The following COXFA4 variants were observed in gnomAD, a reference collection of about 807,000 sequenced individuals.
COXFA4 encodes cytochrome c oxidase subunit FA4.
At chr7:10,934,350 A>G in the COXFA4 span, among the ~76,000 whole-genome samples, 1 of 150,848 alleles carries the variant, frequency 6.6e-6, no homozygotes, top group East Asian at 2.0e-4. Flanking sequence ...ATTAATTTTT[A>G]GAAATAAATC....
At chr7:10,939,187 T>C in the COXFA4 span, 4 of 329,576 alleles carry the variant, frequency 1.2e-5, no homozygotes, top group Non-Finnish European at 1.2e-5. Context: ...AGAAAATGTA[T>C]CGAGTCTTCT....
chr7:10,934,333 AATTAAT>A, the COXFA4 span, among the ~76,000 whole-genome samples: 1 of 151,568 alleles, frequency 6.6e-6, no homozygotes, highest in African/African-American at 2.4e-5. Flanking sequence ...CTTTATAATC[AATTAAT>A]ATTAATTTTT....
At chr7:10,939,929 A>C in the COXFA4 span, 7 of 1,471,750 alleles carry the variant, frequency 4.8e-6, no homozygotes, top group Admixed American at 1.2e-4. Context: ...GTGGCTGTAA[A>C]TGAGGACGTT....
chr7:10,938,096 T>C, the COXFA4 span: 10 of 1,612,934 alleles, frequency 6.2e-6, no homozygotes, highest in East Asian at 1.1e-4. Flanking sequence ...TTACCTTGTA[T>C]TGATCATTGG....
chr7:10,936,972 G>A, the COXFA4 span, among the ~76,000 whole-genome samples: 1 of 152,108 alleles, frequency 6.6e-6, no homozygotes, highest in Non-Finnish European at 1.5e-5. Context: ...GGAAGTGGAG[G>A]CTGTAGTGAG....
At chr7:10,937,491 C>T in the COXFA4 span, among the ~76,000 whole-genome samples, 1 of 152,074 alleles carries the variant, frequency 6.6e-6, no homozygotes, top group Admixed American at 6.5e-5. Context: ...CCATATTGGC[C>T]AGGCTGATTT....
the COXFA4 span, among the ~76,000 whole-genome samples, chr7:10,937,141 G>C: frequency 6.6e-6 from 1 of 152,182 alleles, no homozygotes; most frequent in African/African-American, 2.4e-5. Context: ...GTTCTTCAGA[G>C]TGATAAATCA....
the COXFA4 span, among the ~76,000 whole-genome samples, chr7:10,934,422 A>AT: frequency 6.6e-6 from 1 of 151,868 alleles, no homozygotes; most frequent in African/African-American, 2.4e-5. Flanking sequence ...TTAAAAAAAA[A>AT]TGACATATTT....
the COXFA4 span, chr7:10,933,365 C>A: frequency 7.4e-6 from 3 of 403,578 alleles, no homozygotes; most frequent in South Asian, 9.9e-5. Context: ...TTTCAAACTA[C>A]AGAAATTCAA....
At chr7:10,939,032 A>C in the COXFA4 span, 8 of 669,512 alleles carry the variant, frequency 1.2e-5, no homozygotes, top group African/African-American at 1.3e-4. Flanking sequence ...AATTTAAATA[A>C]AGTAGATCTT....
At chr7:10,937,716 C>T in the COXFA4 span, among the ~76,000 whole-genome samples, 1 of 152,152 alleles carries the variant, frequency 6.6e-6, no homozygotes, top group South Asian at 2.1e-4. Flanking sequence ...CCACAGACTA[C>T]TCTAAATTCT....
At chr7:10,938,546 T>C in the COXFA4 span, 41 of 444,500 alleles carry the variant, frequency 9.2e-5, no homozygotes, top group Non-Finnish European at 1.3e-4. Flanking sequence ...AAAACAATTA[T>C]TTTTATGTCA....
At chr7:10,940,013 T>TA in the COXFA4 span, 1 of 1,613,700 alleles carries the variant, frequency 6.2e-7, no homozygotes, top group African/African-American at 1.3e-5. Flanking sequence ...GTCACGAACT[T>TA]ACGCTCGGAT....
the COXFA4 span, chr7:10,939,490 G>C: frequency 2.3e-5 from 4 of 177,022 alleles, no homozygotes; most frequent in African/African-American, 9.5e-5. Context: ...GGAAAAATGA[G>C]ATGCCAAAGA....
chr7:10,933,587 C>T, the COXFA4 span: 1 of 1,476,926 alleles, frequency 6.8e-7, no homozygotes, highest in Admixed American at 1.7e-5. Flanking sequence ...GCGGATGTGG[C>T]TTCTGGAAGA....
At chr7:10,938,008 T>C in the COXFA4 span, 2 of 1,119,298 alleles carry the variant, frequency 1.8e-6, no homozygotes, top group South Asian at 2.5e-5. Flanking sequence ...TACTCGTATA[T>C]CCAGTTTCAA....
the COXFA4 span, chr7:10,938,665 C>T: frequency 6.2e-6 from 4 of 641,350 alleles, no homozygotes; most frequent in Non-Finnish European, 1.1e-5. Context: ...TAAATGAAAA[C>T]AGCAGATTTG....
the COXFA4 span, chr7:10,938,494 CA>C: frequency 2.4e-6 from 1 of 412,670 alleles, no homozygotes; most frequent in East Asian, 4.2e-5. Context: ...CAAGTGAAGG[CA>C]AAAAACATTT....
chr7:10,935,011 G>A, the COXFA4 span, among the ~76,000 whole-genome samples: 1 of 152,242 alleles, frequency 6.6e-6, no homozygotes, highest in Non-Finnish European at 1.5e-5. Context: ...AACACTTGTT[G>A]GGCTCCTGCC....
Sources: gnomAD v4.1 joint callset for allele counts (sites outside exome capture counted in the v4.1 genomes callset) on GRCh38, gnomAD v4.1.1 for gene constraint, MANE v1.5 for transcripts, NCBI Gene and HGNC (gene_info 2026-07-23, HGNC 2026-07-21) for gene names.